The following SEC31A variants were observed in gnomAD, a reference collection of about 807,000 sequenced individuals.
The protein encoded by SEC31A is protein transport protein Sec31A.
In SEC31A, 70 loss-of-function variants were observed where a neutral mutation model predicts 151.0. The observed-to-expected ratio is 0.46, with a 90% CI of 0.38 to 0.57. The LOEUF (loss-of-function observed/expected upper bound fraction) is 0.57. Among genes scored for constraint, SEC31A ranks in the 20% least tolerant of loss-of-function variants. The pLI is 0.00. For missense variants in SEC31A, 1,330 were observed against 1,471.2 expected, an observed-to-expected ratio of 0.90 and a Z score of 1.57; for synonymous variants, 475 against 505.9, an observed-to-expected ratio of 0.94 and a Z score of 0.82.
At position 82,827,632 on chromosome 4, in the gene SEC31A, TC is replaced by T. The variant is rs1560583814; in HGVS notation, c.3028-1del. 3 of 1,613,152 alleles carry T rather than the reference TC, an allele frequency of 1.9e-6. No homozygotes were observed. Among genetic ancestry groups the T allele is most frequent in the Non-Finnish European group, 2.5e-6 (3 of 1,179,292 alleles). On this transcript the variant is annotated splice_acceptor_variant, in intron 23 of 26. Coordinates refer to ENST00000395310, the MANE Select transcript of SEC31A (RefSeq NM_001077207.4). LOFTEE classifies it high-confidence loss of function. ...ACAGGAGGCATGAAGTTTTCAGGCATCTGTTAAAAGATGGAAATAAAAGACA... is the reference window on the plus strand; with the variant it reads ...ACAGGAGGCATGAAGTTTTCAGGCATTGTTAAAAGATGGAAATAAAAGACA...
In SEC31A at chr4:82,827,432, T is replaced by C. The variant is rs753537886; in HGVS notation, c.3228A>G (p.Pro1076=). The change falls in exon 24 of 27, where the codon CCA becomes CCG. Residue 1076 remains proline, a synonymous_variant. Transcript: ENST00000395310. ...CAATATTGGGCTTTGAAAAAGATGG[T>C]GGCATGCCTGTTTGACCAAGAGGTT... ...VQQPLGQTGM[P]PSFSKPNIEG... is the part of the protein sequence containing the mutation. The C allele has an allele frequency of 2.5e-6, 4 of 1,614,194 alleles. No individual in the cohort carries two copies. The highest frequency in any genetic ancestry group is 3.4e-6 in the Non-Finnish European group (4 of 1,180,032).
intron 23 of SEC31A, among the ~76,000 whole-genome samples, chr4:82,827,843 A>G (rs1223766551): frequency 6.6e-6 from 1 of 152,146 alleles, no homozygotes; most frequent in Non-Finnish European, 1.5e-5. Context: ...AGGGATAGGG[A>G]GCTCAAACCT....
intron 16 of SEC31A, among the ~76,000 whole-genome samples, chr4:82,856,323 T>C (rs1732643172): frequency 6.6e-6 from 1 of 151,770 alleles, no homozygotes; most frequent in East Asian, 2.0e-4. Flanking sequence ...GTTAATTTTT[T>C]GTATTTTTAG....
rs1731924527 is a variant in SEC31A at position 82,853,664 on chromosome 4, T to G, written c.2060A>C (p.Gln687Pro). ...ENEGDSLLQT[Q>P]ACLCYICAGN... ...TGCACAAATATAGCAGAGACATGCT[T>G]GAGTCTGCAGGAGGCTATCTCCTTC... Residue 687 changes from glutamine to proline, a missense_variant, in exon 18 of 27, where the codon CAA becomes CCA. Gln to Pro is a moderately conservative substitution (Grantham distance 76). Transcript: ENST00000395310. The G allele has an allele frequency of 6.2e-7, 1 of 1,603,134 alleles. No individual in the cohort carries two copies. The highest frequency in any genetic ancestry group is 1.8e-5 in the Admixed American group (1 of 56,420).
chr4:82,855,252 A>C (rs1191134005), intron 16 of SEC31A, among the ~76,000 whole-genome samples: 1 of 152,248 alleles, frequency 6.6e-6, no homozygotes, highest in Non-Finnish European at 1.5e-5. Flanking sequence ...AGAAGGAAAA[A>C]TATAAGGTGC....
intron 7 of SEC31A, chr4:82,871,232 T>A: frequency 1.7e-6 from 2 of 1,183,768 alleles, no homozygotes; most frequent in Non-Finnish European, 2.2e-6. Flanking sequence ...ATGGTATTCA[T>A]GATTAACGAA....
chr4:82,867,056 A>G, intron 9 of SEC31A, 96 bp from the exon 10 acceptor site: 1 of 1,542,828 alleles, frequency 6.5e-7, no homozygotes, highest in African/African-American at 1.4e-5. Context: ...CAATTGTCCA[A>G]TTAACCAGCA....
At chr4:82,856,853 C>A in intron 16 of SEC31A, 99 bp downstream of exon 16, 1 of 1,003,896 alleles carries the variant, frequency 1.0e-6, no homozygotes, top group Middle Eastern at 2.9e-4. Context: ...TTTTAAAATT[C>A]TTTACTGGTT....
intron 22 of SEC31A, among the ~76,000 whole-genome samples, chr4:82,833,423 A>G (rs911027224): frequency 5.9e-5 from 9 of 152,022 alleles, no homozygotes; most frequent in Non-Finnish European, 1.3e-4. Context: ...GGGAGGGATA[A>G]CATTAGGATA....
At chr4:82,891,400 C>T (rs1162105488), upstream of SEC31A, 2 of 587,054 alleles carry the variant, frequency 3.4e-6, no homozygotes, top group Admixed American at 3.0e-5. Context: ...TTCTGAGGGG[C>T]GGCGCGCAGA....
At chr4:82,885,034 C>G (rs28741983) in intron 1 of SEC31A, among the ~76,000 whole-genome samples, 68,538 of 152,020 alleles carry the variant, frequency 0.45, 18,138 homozygotes, top group Admixed American at 0.6. Flanking sequence ...AATTCACTGT[C>G]AAATATACAC....
chr4:82,836,100 C>T (rs1407139659), intron 22 of SEC31A, among the ~76,000 whole-genome samples: 4 of 152,110 alleles, frequency 2.6e-5, no homozygotes, highest in East Asian at 1.9e-4. Context: ...ATTGGCCGGG[C>T]GCGGTGGCTC....
rs759078313 is a variant in SEC31A at position 82,866,833 on chromosome 4, C to T, written c.1172G>A (p.Arg391Gln). The T allele has an allele frequency of 5.6e-6, 9 of 1,605,228 alleles. No individual in the cohort carries two copies. Among genetic ancestry groups the T allele is most frequent in the South Asian group, 2.3e-5 (2 of 88,766 alleles). ...TGAAAAAGAAGCACCAACAGGCCTTCGAATCCACTTGGGCGGCTTCTTCAG... is the reference window on the plus strand; with the variant it reads ...TGAAAAAGAAGCACCAACAGGCCTTTGAATCCACTTGGGCGGCTTCTTCAG... Reference protein sequence around the residue: ...LPLKKPPKWIRRPVGASFSFG... With the variant: ...LPLKKPPKWIQRPVGASFSFG... The change falls in exon 10 of 27, where the codon CGA becomes CAA. Residue 391 changes from arginine to glutamine, a missense_variant. Coordinates refer to ENST00000395310, the MANE Select transcript of SEC31A (RefSeq NM_001077207.4).
At chr4:82,853,907 C>T (rs6842966) in intron 17 of SEC31A, among the ~76,000 whole-genome samples, 192 bp from the exon 18 acceptor site, 151,904 of 152,344 alleles carry the variant, frequency 1, 75,732 homozygotes, top group Non-Finnish European at 1. Flanking sequence ...AAATTGTATA[C>T]AATAAATGAT....
chr4:82,881,235 A>G (rs7694388), intron 2 of SEC31A, among the ~76,000 whole-genome samples: 151,816 of 152,254 alleles, frequency 1, 75,689 homozygotes, highest in Middle Eastern at 1. Flanking sequence ...GGAGGCCGAG[A>G]TGGGTGGATC....
intron 22 of SEC31A, among the ~76,000 whole-genome samples, chr4:82,839,884 CA>C (rs1171877781): frequency 3.3e-5 from 5 of 152,204 alleles, no homozygotes; most frequent in African/African-American, 1.2e-4. Context: ...AGGCCACAGG[CA>C]CTTCTGCTTA....
At chr4:82,840,078 A>G (rs1728394296) in intron 22 of SEC31A, among the ~76,000 whole-genome samples, 1 of 152,218 alleles carries the variant, frequency 6.6e-6, no homozygotes. Flanking sequence ...CCTGGTTTAT[A>G]TCTCAACTTG....
chr4:82,854,893 C>T lies in SEC31A; in HGVS notation c.2008+10G>A, dbSNP rs1732301918. On this transcript the variant is annotated intron_variant, in intron 17 of 26. Coordinates refer to ENST00000395310, the MANE Select transcript of SEC31A (RefSeq NM_001077207.4). ...TGTAAATGCAGTTAAATATAAAGCA[C>T]ATCTCTTACCACAAAGGGCTGAAAA... is the stretch of plus-strand genomic sequence containing the variant. The T allele has an allele frequency of 1.2e-6, 2 of 1,609,126 alleles. No individual in the cohort carries two copies. The highest frequency in any genetic ancestry group is 8.5e-7 in the Non-Finnish European group (1 of 1,178,334).
chr4:82,842,819 G>A (rs1263799525), intron 21 of SEC31A: 1 of 204,160 alleles, frequency 4.9e-6, no homozygotes, highest in African/African-American at 2.3e-5. Context: ...GAACCAGGGA[G>A]GAATTACACA....
Sources: gnomAD v4.1 joint callset for allele counts (sites outside exome capture counted in the v4.1 genomes callset) on GRCh38, gnomAD v4.1.1 for gene constraint, MANE v1.5 for transcripts, NCBI Gene and HGNC (gene_info 2026-07-23, HGNC 2026-07-21) for gene names.